Variants in CPD observed in about 807,000 individuals in gnomAD.
CPD encodes carboxypeptidase D, also known as metallocarboxypeptidase D.
In CPD, 69 loss-of-function variants were observed where a neutral mutation model predicts 138.3. That is an observed-to-expected ratio of 0.50 (90% CI 0.41 to 0.61). CPD has a LOEUF of 0.61. Ranked by LOEUF, CPD falls within the 20% of genes least tolerant of loss-of-function variation. The pLI is 0.00. For missense variants in CPD, 1,432 were observed against 1,733.3 expected (o/e 0.83, Z 3.09); for synonymous variants, 651 against 642.1 (o/e 1.01, Z -0.21).
At chr17:30,447,547 C>G (rs1048608115) in intron 12 of CPD, 2 of 152,106 alleles carry the variant, frequency 1.3e-5, no homozygotes, top group Non-Finnish European at 1.5e-5. Flanking sequence ...TATGTTCTGA[C>G]TAAATATTGT....
At chr17:30,388,933 T>C (rs1911270034) in intron 2 of CPD, among the ~76,000 whole-genome samples, 3 of 151,948 alleles carry the variant, frequency 2.0e-5, no homozygotes, top group African/African-American at 7.3e-5. Context: ...GCGCAGAGCC[T>C]CCTCCCGAGC....
At chr17:30,450,385 A>G (rs1271034611) in intron 13 of CPD, 1 of 152,170 alleles carries the variant, frequency 6.6e-6, no homozygotes, top group Non-Finnish European at 1.5e-5. Context: ...GACTTGAGGG[A>G]CTTCCATTCT....
Position 30,464,821 on chromosome 17 carries a change from C to T in CPD, c.*7C>T. ...ATATTCTAGCAAACATTGAAAAACA[C>T]ATTTTGCATATCTCCCAGCATAAGT... On this transcript the variant is annotated 3_prime_UTR_variant, in exon 21 of 21. Transcript: ENST00000225719. The T allele has an allele frequency of 6.2e-7, 1 of 1,606,940 alleles. No homozygotes were observed. The highest frequency in any genetic ancestry group is 8.5e-7 in the Non-Finnish European group (1 of 1,173,996).
Position 30,378,946 on chromosome 17 carries a change from G to T in CPD, c.-35G>T, listed in dbSNP as rs1425299735. ...CCCGCCGCCCGGAGCGCTGAGCCGC[G>T]GGAGCGGAGCCGGGGTTAGCGGCGC... On this transcript the variant is annotated 5_prime_UTR_variant, in exon 1 of 21. Transcript: ENST00000225719. 19 of 1,424,936 alleles carry T rather than the reference G, an allele frequency of 1.3e-5. 1 individual carries two copies. In the South Asian group the frequency reaches 1.4e-4, roughly 10 times the overall value. 88.3% of individuals were successfully genotyped at this position (1,424,936 alleles called of 1,614,324 possible).
intron 2 of CPD, among the ~76,000 whole-genome samples, chr17:30,394,506 C>A (rs1048409914): frequency 6.6e-6 from 1 of 151,750 alleles, no homozygotes; most frequent in African/African-American, 2.4e-5. Context: ...TTTTTTGTTT[C>A]CTGTTAGTGT....
intron 2 of CPD, among the ~76,000 whole-genome samples, chr17:30,403,220 A>G (rs900932088): frequency 6.6e-6 from 1 of 152,188 alleles, no homozygotes; most frequent in Non-Finnish European, 1.5e-5. Context: ...TGTAATTCCA[A>G]TGTCAGTTCA....
chr17:30,466,197 C>T lies in CPD; in HGVS notation c.*1383C>T, dbSNP rs1913631881. On this transcript the variant is annotated 3_prime_UTR_variant, in exon 21 of 21. Transcript: ENST00000225719. ...TTACCAATGATGTAACGGTTTAATA[C>T]CTTTGAATGTTTTAATAACCAAGTT... 1 of 152,548 alleles carries T rather than the reference C, an allele frequency of 6.6e-6. No individual in the cohort carries two copies. The highest frequency in any genetic ancestry group is 2.1e-4 in the South Asian group (1 of 4,826). 9.4% of individuals were successfully genotyped at this position (152,548 alleles called of 1,614,324 possible). A position where few individuals can be genotyped will look rare whatever the true frequency, so the allele number is the denominator to read the frequency against.
intron 7 of CPD, among the ~76,000 whole-genome samples, chr17:30,428,691 A>G (rs576286325): frequency 4.6e-5 from 7 of 152,238 alleles, no homozygotes; most frequent in Admixed American, 2.6e-4. Context: ...TAGATTAAAG[A>G]TTGTATTGGG....
rs961178335 is a variant in CPD at position 30,469,119 on chromosome 17, A to G, written c.*4305A>G. 3 of 152,178 alleles carry G rather than the reference A, an allele frequency of 2.0e-5. No homozygotes were observed. Among genetic ancestry groups the G allele is most frequent in the African/African-American group, 7.2e-5 (3 of 41,436 alleles). 9.4% of individuals were successfully genotyped at this position (152,178 alleles called of 1,614,324 possible). On this transcript the variant is annotated 3_prime_UTR_variant, in exon 21 of 21. Transcript: ENST00000225719. ...CAATATCCCCTTTTCACTTAGCAAC[A>G]ATGTGTTACTTCTACCCTAATAGGA...
rs565507375 is a variant in CPD, at chr17:30,443,157, A to G, written c.2374-645A>G. On this transcript the variant is annotated intron_variant, in intron 10 of 20. Transcript: ENST00000225719. ...TTATTTTAATGTAAATTTTATTTAC[A>G]CACTCACATACACATACATATTTTT... is the stretch of plus-strand genomic sequence containing the variant. 3.3e-5 allele frequency among the ~76,000 whole-genome samples: 5 copies of G among 152,258 alleles called. No individual in the cohort carries two copies. The South Asian group carries it at 1.0e-3, about 32-fold the overall frequency.
intron 2 of CPD, among the ~76,000 whole-genome samples, chr17:30,387,406 C>T (rs929673068): frequency 1.4e-4 from 22 of 152,170 alleles, no homozygotes; most frequent in Non-Finnish European, 2.5e-4. Flanking sequence ...TATGAGCCAC[C>T]GTGCCTGGCA....
intron 7 of CPD, 89 bp from the exon 8 acceptor site, chr17:30,431,683 C>T (rs1446537174): frequency 4.8e-6 from 4 of 826,830 alleles, no homozygotes; most frequent in East Asian, 5.6e-5. Context: ...TTATTGTTTT[C>T]TCTTCTCTGG....
intron 6 of CPD, among the ~76,000 whole-genome samples, chr17:30,425,424 G>T (rs1236376525): frequency 6.6e-6 from 1 of 152,168 alleles, no homozygotes; most frequent in African/African-American, 2.4e-5. Context: ...GGAGGTCGAG[G>T]TAGATGGATC....
chr17:30,462,542 T>A, intron 20 of CPD, 73 bp downstream of exon 20: 5 of 957,226 alleles, frequency 5.2e-6, no homozygotes, highest in South Asian at 1.4e-5. Context: ...GTGGGTCACC[T>A]CTCTCATATT....
chr17:30,408,234 G>C (rs914825476), intron 2 of CPD, among the ~76,000 whole-genome samples: 1 of 152,192 alleles, frequency 6.6e-6, no homozygotes, highest in Admixed American at 6.5e-5. Context: ...TTGAAGTCAG[G>C]TAGCATGATG....
In CPD at chr17:30,379,735, T is replaced by G; in HGVS notation, c.746+9T>G. On this transcript the variant is annotated intron_variant, in intron 1 of 20. Coordinates refer to ENST00000225719, the MANE Select transcript of CPD (RefSeq NM_001304.5). This position sits in a 1 kb window ranked among gnomAD's most constrained non-coding sequence, Gnocchi z 7.0. The stretch of plus-strand genomic sequence containing the variant: ...TGGATCCGCAGGAACAAGTGAGTGT[T>G]GCCTGCCCCCTCCCCGTCCGTGTGA... The G allele has an allele frequency of 1.4e-6, 2 of 1,453,564 alleles. No homozygotes were observed. The highest frequency in any genetic ancestry group is 1.8e-6 in the Non-Finnish European group (2 of 1,114,620). The allele number at this position is 1,453,564 out of a possible 1,614,324, so 90.0% of individuals were successfully genotyped here.
At position 30,468,069 on chromosome 17, in the gene CPD, T is replaced by C. The variant is rs1913691750; in HGVS notation, c.*3255T>C. On this transcript the variant is annotated 3_prime_UTR_variant, in exon 21 of 21. Transcript: ENST00000225719. ...TTGGGGATATGATTTGGGTCTTTGA[T>C]TAATGTCAGCTGAACTTGGATTTCT... 6.6e-6 allele frequency: 1 copy of C among 152,280 alleles called. No homozygotes were observed. Among genetic ancestry groups the C allele is most frequent in the African/African-American group, 2.4e-5 (1 of 41,460 alleles). 9.4% of individuals were successfully genotyped at this position (152,280 alleles called of 1,614,324 possible). A position where few individuals can be genotyped will look rare whatever the true frequency, so the allele number is the denominator to read the frequency against.
chr17:30,430,490 A>T lies in CPD; in HGVS notation c.2018-1282A>T, dbSNP rs185815703. On this transcript the variant is annotated intron_variant, in intron 7 of 20. Transcript: ENST00000225719. ...ACTTCATTCCTTTCTATGGTTGAATAATAGTACATTGTATATACATATGTA... is the reference window on the plus strand; with the variant it reads ...ACTTCATTCCTTTCTATGGTTGAATTATAGTACATTGTATATACATATGTA... Among the ~76,000 whole-genome samples, 120 of 152,360 alleles carry T rather than the reference A, an allele frequency of 7.9e-4. 2 individuals are homozygous for T. Among genetic ancestry groups the T allele is most frequent in the Admixed American group, 2.8e-3 (43 of 15,310 alleles).
rs1913494144 is a variant in CPD at position 30,462,169 on chromosome 17, A to T, written c.3816+107A>T. On this transcript the variant is annotated intron_variant, in intron 19 of 20. Coordinates refer to ENST00000225719, the MANE Select transcript of CPD (RefSeq NM_001304.5). ...AATCTTGAAGGGAATAAAGAAATTAAAAGTGTGACTGCCTCTTGATTATGA... is the reference window on the plus strand; with the variant it reads ...AATCTTGAAGGGAATAAAGAAATTATAAGTGTGACTGCCTCTTGATTATGA... 4.3e-6 allele frequency: 5 copies of T among 1,170,836 alleles called. No individual in the cohort carries two copies. The South Asian group carries it at 8.1e-5, about 19-fold the overall frequency. The allele number at this position is 1,170,836 out of a possible 1,614,324, so 72.5% of individuals were successfully genotyped here.
Sources: allele counts gnomAD v4.1 joint callset (sites outside exome capture counted in the v4.1 genomes callset), GRCh38; gene constraint gnomAD v4.1.1; non-coding constraint Gnocchi (gnomAD v3.1); transcripts MANE v1.5; gene names NCBI Gene and HGNC (gene_info 2026-07-23, HGNC 2026-07-21).